Variants in TTC7B observed in about 807,000 individuals in gnomAD.
TTC7B encodes the protein tetratricopeptide repeat protein 7B.
Under a neutral mutation model 106.8 loss-of-function variants are expected in TTC7B, and 28 were observed. The observed-to-expected ratio is 0.26, with a 90% confidence interval of 0.19 to 0.36. The LOEUF is 0.36. TTC7B is among the 10% of genes least tolerant of loss of function. TTC7B has a pLI of 1.00. For missense variants in TTC7B, 862 were observed against 1,076.4 expected, an observed-to-expected ratio of 0.80 and a Z score of 2.79; for synonymous variants, 405 against 430.6, an observed-to-expected ratio of 0.94 and a Z score of 0.74.
intron 13 of TTC7B, among the ~76,000 whole-genome samples, chr14:90,652,334 G>C (rs1222969377): frequency 1.3e-5 from 2 of 151,728 alleles, no homozygotes; most frequent in Non-Finnish European, 1.5e-5. Flanking sequence ...AATTTCCTGA[G>C]AGGCACAATG....
In TTC7B at chr14:90,658,227, G is replaced by A. The variant is rs112225843; in HGVS notation, c.1236+77C>T. On this transcript the variant is annotated intron_variant, in intron 10 of 19. Coordinates refer to ENST00000328459, the MANE Select transcript of TTC7B (RefSeq NM_001010854.2). ...AGACTTCCACAAAGTCTATCATTCC[G>A]TGCAATTCCATGACATTCAACTCTT... is the stretch of plus-strand genomic sequence containing the variant. 968 of 1,246,828 alleles carry A rather than the reference G, an allele frequency of 7.8e-4. 5 individuals are homozygous for A. In the African/African-American group the frequency reaches 0.012, roughly 16 times the overall value. The allele number at this position is 1,246,828 out of a possible 1,614,324, so 77.2% of individuals were successfully genotyped here. A position where few individuals can be genotyped will look rare whatever the true frequency, so the allele number is the denominator to read the frequency against.
intron 9 of TTC7B, among the ~76,000 whole-genome samples, chr14:90,661,906 G>C (rs1886223491): frequency 6.6e-6 from 1 of 152,164 alleles, no homozygotes; most frequent in Admixed American, 6.5e-5. Context: ...GCATGCCAAA[G>C]GCTAACAGCC....
chr14:90,669,557 T>G (rs1016443264), intron 9 of TTC7B, among the ~76,000 whole-genome samples: 1 of 137,726 alleles, frequency 7.3e-6, no homozygotes, highest in East Asian at 2.1e-4. Flanking sequence ...AAAGCAGGTG[T>G]GGTATCTCTA....
At chr14:90,602,579 G>A (rs929204521) in intron 17 of TTC7B, among the ~76,000 whole-genome samples, 4 of 152,154 alleles carry the variant, frequency 2.6e-5, no homozygotes, top group East Asian at 1.9e-4. Context: ...CGTGTGCATG[G>A]TGTCCCAGCT....
At position 90,608,376 on chromosome 14, in the gene TTC7B, C is replaced by A. The variant is rs778647074; in HGVS notation, c.1966+2366G>T. On this transcript the variant is annotated intron_variant, in intron 17 of 19. Transcript: ENST00000328459. The surrounding 1 kb of genome is among the most constrained non-coding windows in gnomAD (Gnocchi z 5.1). ...CGTGCAAATCAGTATTTTGCAGCTGCCTGGTTGGGTCGGGGGTGGTGTAGG... is the reference window on the plus strand; with the variant it reads ...CGTGCAAATCAGTATTTTGCAGCTGACTGGTTGGGTCGGGGGTGGTGTAGG... Among the ~76,000 whole-genome samples, 9 of 152,164 alleles carry A rather than the reference C, an allele frequency of 5.9e-5. No individual in the cohort carries two copies. The highest frequency in any genetic ancestry group is 1.0e-4 in the Non-Finnish European group (7 of 68,034).
rs768934417 is a variant in TTC7B, at chr14:90,644,032, G to C, written c.1751+16C>G. 5 of 1,614,076 alleles carry C rather than the reference G, an allele frequency of 3.1e-6. No homozygotes were observed. In the Admixed American group the frequency reaches 8.3e-5, roughly 27 times the overall value. On this transcript the variant is annotated intron_variant, in intron 15 of 19. Coordinates refer to ENST00000328459, the MANE Select transcript of TTC7B (RefSeq NM_001010854.2). Reference sequence around the variant, plus strand: ...AACTTCTGAGTAAGGGAAAACCAAAGCCCAGGATCACTTACATGAAATTTT... The same window carrying C: ...AACTTCTGAGTAAGGGAAAACCAAACCCCAGGATCACTTACATGAAATTTT...
intron 3 of TTC7B, among the ~76,000 whole-genome samples, chr14:90,767,254 A>T (rs1461414783): frequency 6.6e-6 from 1 of 152,186 alleles, no homozygotes; most frequent in Admixed American, 6.5e-5. Context: ...GAGCTGAAAA[A>T]GTACAATAAG....
chr14:90,761,464 C>T (rs929646094), intron 3 of TTC7B, among the ~76,000 whole-genome samples: 14 of 152,248 alleles, frequency 9.2e-5, no homozygotes, highest in Non-Finnish European at 2.9e-5. Flanking sequence ...ATGATTGCAT[C>T]CCCAACAAAT....
chr14:90,632,515 T>C (rs1884745220), intron 15 of TTC7B, among the ~76,000 whole-genome samples: 1 of 152,246 alleles, frequency 6.6e-6, no homozygotes, highest in African/African-American at 2.4e-5. Context: ...TTCCTAGTTT[T>C]TTGATTCCAG....
chr14:90,645,014 G>T (rs1885373763), intron 14 of TTC7B: 1 of 152,196 alleles, frequency 6.6e-6, no homozygotes, highest in Non-Finnish European at 1.5e-5. Flanking sequence ...TGACACCCTG[G>T]ATTCCATGCA....
intron 15 of TTC7B, among the ~76,000 whole-genome samples, chr14:90,621,702 G>C (rs867853327): frequency 1.3e-5 from 2 of 152,202 alleles, no homozygotes; most frequent in African/African-American, 4.8e-5. Context: ...TCCTTGGGAT[G>C]CCCAAGGGAA....
At chr14:90,720,303 G>A (rs1888842171) in intron 5 of TTC7B, among the ~76,000 whole-genome samples, 1 of 152,104 alleles carries the variant, frequency 6.6e-6, no homozygotes, top group Non-Finnish European at 1.5e-5. Flanking sequence ...TCTCAGAAAT[G>A]GGTACCTTTC....
chr14:90,615,676 C>T (rs1893041319), intron 16 of TTC7B, among the ~76,000 whole-genome samples: 1 of 152,162 alleles, frequency 6.6e-6, no homozygotes, highest in Non-Finnish European at 1.5e-5. Context: ...ATGCTGTTGC[C>T]AGGGTCACCT....
intron 4 of TTC7B, among the ~76,000 whole-genome samples, chr14:90,732,432 C>T (rs894927699): frequency 6.6e-5 from 10 of 152,310 alleles, no homozygotes; most frequent in Admixed American, 3.3e-4. Context: ...AGCTGGAGGG[C>T]AGTGGCATGA....
chr14:90,598,540 A>G (rs1271637918), intron 17 of TTC7B, among the ~76,000 whole-genome samples: 1 of 152,218 alleles, frequency 6.6e-6, no homozygotes, highest in Non-Finnish European at 1.5e-5. Flanking sequence ...CAAGAGGACC[A>G]GGAACCAAGA....
At chr14:90,658,487 T>C (rs1407785521) in intron 9 of TTC7B, 100 bp from the exon 10 acceptor site, 8 of 1,117,812 alleles carry the variant, frequency 7.2e-6, no homozygotes, top group South Asian at 3.8e-5. Context: ...GTAAGTCCCA[T>C]AAAATCTGCT....
At chr14:90,558,816 C>T (rs1038895487) in intron 19 of TTC7B, among the ~76,000 whole-genome samples, 2 of 152,182 alleles carry the variant, frequency 1.3e-5, no homozygotes, top group African/African-American at 4.8e-5. Context: ...TGGGGACCTT[C>T]ACTCCTGGAG....
chr14:90,764,439 A>G (rs1372609322), intron 3 of TTC7B, among the ~76,000 whole-genome samples: 1 of 152,142 alleles, frequency 6.6e-6, no homozygotes, highest in Non-Finnish European at 1.5e-5. Flanking sequence ...CAACAAAAAT[A>G]ATAAAAGAAA....
Position 90,578,119 on chromosome 14 carries a change from C to T in TTC7B, c.2297G>A (p.Ser766Asn), listed in dbSNP as rs1324861275. The change falls in exon 19 of 20, where the codon AGC becomes AAC. Residue 766 changes from serine (S) to asparagine (N), a missense_variant. Physicochemically the swap from Ser to Asn is conservative, Grantham distance 46. Coordinates refer to ENST00000328459, the MANE Select transcript of TTC7B (RefSeq NM_001010854.2). The surrounding 1 kb of genome is among the most constrained non-coding windows in gnomAD (Gnocchi z 4.7). ...ALAISPTHVK[S>N]MQRLALILHQ... Reference sequence around the variant, plus strand: ...TCGTGGACTCACCAGTCGCTGCATGCTCTTCACGTGGGTGGGGCTGATGGC... The same window carrying T: ...TCGTGGACTCACCAGTCGCTGCATGTTCTTCACGTGGGTGGGGCTGATGGC... 2 of 1,610,938 alleles carry T rather than the reference C, an allele frequency of 1.2e-6. No homozygotes were observed. The highest frequency in any genetic ancestry group is 1.7e-6 in the Non-Finnish European group (2 of 1,178,828).
Sources: allele counts gnomAD v4.1 joint callset (sites outside exome capture counted in the v4.1 genomes callset), GRCh38; gene constraint gnomAD v4.1.1; non-coding constraint Gnocchi (gnomAD v3.1); transcripts MANE v1.5; gene names NCBI Gene and HGNC (gene_info 2026-07-23, HGNC 2026-07-21).